SH3RF3: variants seen among roughly 807,000 people sequenced by gnomAD.
SH3RF3 encodes the protein SH3 domain containing ring finger 3, also known as E3 ubiquitin-protein ligase SH3RF3.
SH3RF3 carries 29 observed loss-of-function variants against 66.3 expected under a neutral mutation model. The ratio of observed to expected loss-of-function variants is 0.44; its 90% CI spans 0.33 to 0.60. SH3RF3 has a LOEUF of 0.60. Ranked by LOEUF, SH3RF3 falls within the 20% of genes least tolerant of loss-of-function variation. The pLI is 0.04. For missense variants in SH3RF3, 1,194 were observed against 1,190.9 expected (o/e 1.00, Z -0.04); for synonymous variants, 583 against 532.0 (o/e 1.10, Z -1.32).
chr2:109,337,175 G>T (rs962114783), intron 1 of SH3RF3, among the ~76,000 whole-genome samples: 16 of 152,192 alleles, frequency 1.1e-4, no homozygotes, highest in Non-Finnish European at 1.5e-5. Context: ...CTCATAGGGT[G>T]ATTTTTTCCT....
chr2:109,499,647 G>A (rs776565144), intron 9 of SH3RF3, among the ~76,000 whole-genome samples: 4 of 152,184 alleles, frequency 2.6e-5, no homozygotes, highest in Non-Finnish European at 5.9e-5. Context: ...CAACTGGTTC[G>A]TCCTTGGCAG....
At chr2:109,347,559 A>T in intron 1 of SH3RF3, 115 bp from the exon 2 acceptor site, 1 of 1,385,058 alleles carries the variant, frequency 7.2e-7, no homozygotes, top group Non-Finnish European at 9.7e-7. Context: ...GGCACTCTGT[A>T]TGCACCCCCA....
chr2:109,433,308 C>T (rs928102892), intron 6 of SH3RF3, among the ~76,000 whole-genome samples: 7 of 152,178 alleles, frequency 4.6e-5, no homozygotes, highest in African/African-American at 1.7e-4. Flanking sequence ...GTTGAGTGGT[C>T]GCATTGTGGT....
chr2:109,419,421 A>G lies in SH3RF3; in HGVS notation c.1300-118A>G, dbSNP rs566133736. 2.7e-6 allele frequency: 3 copies of G among 1,105,960 alleles called. No individual in the cohort carries two copies. The East Asian group carries it at 7.8e-5, about 29-fold the overall frequency. The allele number at this position is 1,105,960 out of a possible 1,614,324, so 68.5% of individuals were successfully genotyped here. On this transcript the variant is annotated intron_variant, in intron 4 of 9. Coordinates refer to ENST00000309415, the MANE Select transcript of SH3RF3 (RefSeq NM_001099289.3). The stretch of plus-strand genomic sequence containing the variant: ...GGTAGGCACAGCACGTTGGAGGCCA[A>G]ACAGCCAGGCAGCTGGCGAAGCACA...
intron 1 of SH3RF3, among the ~76,000 whole-genome samples, chr2:109,136,312 C>T (rs921421406): frequency 6.6e-6 from 1 of 151,952 alleles, no homozygotes; most frequent in African/African-American, 2.4e-5. Context: ...CAATTTTTAT[C>T]AGATTTGCCT....
intron 3 of SH3RF3, among the ~76,000 whole-genome samples, chr2:109,378,219 G>C (rs1683433867): frequency 6.6e-6 from 1 of 152,232 alleles, no homozygotes; most frequent in South Asian, 2.1e-4. Context: ...TCACCCACCG[G>C]CTTGCACTCT....
At chr2:109,206,790 T>C (rs1282494489) in intron 1 of SH3RF3, among the ~76,000 whole-genome samples, 2 of 152,250 alleles carry the variant, frequency 1.3e-5, no homozygotes, top group Non-Finnish European at 2.9e-5. Context: ...CACTCCAGCC[T>C]GGGTGACAAG....
intron 8 of SH3RF3, among the ~76,000 whole-genome samples, chr2:109,471,206 CAAAAAAAA>C (rs61224177): frequency 4.7e-4 from 19 of 40,162 alleles, no homozygotes; most frequent in African/African-American, 8.8e-4. Flanking sequence ...GACTCTGTCT[CAAAAAAAA>C]AAAAAAAAAA....
chr2:109,135,859 C>T (rs976943261), intron 1 of SH3RF3, among the ~76,000 whole-genome samples: 1 of 152,076 alleles, frequency 6.6e-6, no homozygotes, highest in Non-Finnish European at 1.5e-5. Context: ...ATGATTCTTA[C>T]AAACTTCATT....
chr2:109,434,671 C>T (rs960537551), intron 6 of SH3RF3, among the ~76,000 whole-genome samples: 4 of 152,202 alleles, frequency 2.6e-5, no homozygotes, highest in African/African-American at 9.7e-5. Flanking sequence ...CTTGCCTGTG[C>T]TGTAGTCGGG....
chr2:109,461,983 C>T (rs1007862089), intron 8 of SH3RF3, among the ~76,000 whole-genome samples: 1 of 152,088 alleles, frequency 6.6e-6, no homozygotes, highest in Non-Finnish European at 1.5e-5. Context: ...CACTTTTTCT[C>T]CACCTTACGA....
chr2:109,162,879 C>CA (rs11404752), intron 1 of SH3RF3, among the ~76,000 whole-genome samples: 123,443 of 151,938 alleles, frequency 0.81, 50,334 homozygotes, highest in East Asian at 0.89. Flanking sequence ...AGATGATTAC[C>CA]AAAAAAACCA....
chr2:109,309,702 T>C (rs1199416501), intron 1 of SH3RF3, among the ~76,000 whole-genome samples: 2 of 127,696 alleles, frequency 1.6e-5, no homozygotes, highest in Non-Finnish European at 3.1e-5. Context: ...GAGTCTCTGA[T>C]AAAACAGACT....
At chr2:109,361,772 A>G (rs989139835) in intron 2 of SH3RF3, among the ~76,000 whole-genome samples, 3 of 152,206 alleles carry the variant, frequency 2.0e-5, no homozygotes, top group African/African-American at 7.2e-5. Context: ...ATAAAGGCCT[A>G]TTGAATTATA....
intron 1 of SH3RF3, among the ~76,000 whole-genome samples, chr2:109,343,744 C>CT (rs35606755): frequency 0.34 from 49,546 of 143,672 alleles, 8,533 homozygotes; most frequent in Middle Eastern, 0.39. Flanking sequence ...CCCTGGTTTC[C>CT]TTTTTTTTTT....
rs1679439964 is a variant in SH3RF3, at chr2:109,503,133, A to G, written c.*1462A>G. The G allele has an allele frequency of 6.6e-6, 1 of 152,194 alleles. No homozygotes were observed. Among genetic ancestry groups the G allele is most frequent in the Non-Finnish European group, 1.5e-5 (1 of 68,042 alleles). The allele number at this position is 152,194 out of a possible 1,614,324, so 9.4% of individuals were successfully genotyped here. On this transcript the variant is annotated 3_prime_UTR_variant, in exon 10 of 10. Transcript: ENST00000309415. ...GACTGATCAGGAGCCCTTCAGGGAC[A>G]ATTTTGTTCTCAAGATTCACACCTT...
chr2:109,431,886 A>G (rs1677226332), intron 5 of SH3RF3, among the ~76,000 whole-genome samples: 1 of 152,028 alleles, frequency 6.6e-6, no homozygotes, highest in South Asian at 2.1e-4. Context: ...AAAAAAGGTC[A>G]AGTAATTAAC....
intron 1 of SH3RF3, among the ~76,000 whole-genome samples, chr2:109,341,377 T>C (rs1386080553): frequency 6.6e-6 from 1 of 152,174 alleles, no homozygotes; most frequent in Admixed American, 6.5e-5. Flanking sequence ...AGGCCAAGAG[T>C]TGTGCCTTTT....
intron 1 of SH3RF3, among the ~76,000 whole-genome samples, chr2:109,222,603 G>A (rs1488962831): frequency 6.6e-6 from 1 of 152,348 alleles, no homozygotes; most frequent in African/African-American, 2.4e-5. Context: ...CACAGCACGC[G>A]TGTGCCCTGG....
Sources: gnomAD v4.1 joint callset for allele counts (sites outside exome capture counted in the v4.1 genomes callset) on GRCh38, gnomAD v4.1.1 for gene constraint, MANE v1.5 for transcripts, NCBI Gene and HGNC (gene_info 2026-07-23, HGNC 2026-07-21) for gene names.